TAF1: variants seen among roughly 807,000 people sequenced by gnomAD.
TAF1 encodes the protein transcription initiation factor TFIID subunit 1.
Under a neutral mutation model 138.5 loss-of-function variants are expected in TAF1, and 2 were observed. The observed-to-expected ratio is 0.01, with a 90% CI of 0.01 to 0.05. The LOEUF is 0.05. TAF1 is among the 10% of genes least tolerant of loss of function. The pLI is 1.00. For synonymous variants in TAF1, 437 were observed against 503.2 expected, an observed-to-expected ratio of 0.87 and a Z score of 1.76; for missense variants, 709 against 1,478.0, an observed-to-expected ratio of 0.48 and a Z score of 8.53.
intron 14 of TAF1, 28 bp from the exon 15 acceptor site, chrX:71,387,233 A>G (rs768862962): frequency 8.3e-7 from 1 of 1,206,423 alleles, no homozygotes; most frequent in African/African-American, 1.7e-5. Flanking sequence ...TACTCTGTAT[A>G]TAATTTTTGT....
chrX:71,383,924 T>C, intron 12 of TAF1, 38 bp from the exon 13 acceptor site: 1 of 1,187,615 alleles, frequency 8.4e-7, no homozygotes, highest in Non-Finnish European at 1.1e-6. Flanking sequence ...AGTAGTGTCC[T>C]GTCAGGAGCT....
chrX:71,469,907 G>C (rs1413379257), downstream of TAF1, among the ~76,000 whole-genome samples: 1 of 111,286 alleles, frequency 9.0e-6, no homozygotes. Flanking sequence ...CTCCATGTTG[G>C]TCAGGCTGGT....
chrX:71,470,288 T>C (rs2038858681), downstream of TAF1, among the ~76,000 whole-genome samples: 1 of 111,197 alleles, frequency 9.0e-6, no homozygotes, highest in East Asian at 2.8e-4. Context: ...TCAGGTAATA[T>C]TACACAATTG....
intron 13 of TAF1, among the ~76,000 whole-genome samples, chrX:71,516,084 CAG>C (rs1053627267): frequency 9.1e-6 from 1 of 109,344 alleles, no homozygotes; most frequent in African/African-American, 3.3e-5. Flanking sequence ...ATTTTTGAGA[CAG>C]AGTCTCACTC....
chrX:71,505,996 G>C (rs1224540411), intron 13 of TAF1, among the ~76,000 whole-genome samples: 1 of 108,086 alleles, frequency 9.3e-6, no homozygotes, highest in Non-Finnish European at 1.9e-5. Flanking sequence ...CTCCAGCCCA[G>C]GCGACAGAGC....
intron 28 of TAF1, chrX:71,416,728 C>G: frequency 3.4e-6 from 1 of 298,152 alleles, no homozygotes; most frequent in Middle Eastern, 4.7e-4. Flanking sequence ...AAATGTATTT[C>G]CCCTCTGAAT....
intron 9 of TAF1, among the ~76,000 whole-genome samples, chrX:71,382,297 G>T (rs1569282131): frequency 9.1e-6 from 1 of 110,003 alleles, no homozygotes; most frequent in East Asian, 2.9e-4. Flanking sequence ...GATGTCAAGC[G>T]TGTAGTTCAC....
At chrX:71,517,737 A>C (rs754301152) in intron 13 of TAF1, among the ~76,000 whole-genome samples, 1 of 112,147 alleles carries the variant, frequency 8.9e-6, no homozygotes, top group Non-Finnish European at 1.9e-5. Context: ...ATCCATGGAA[A>C]GTGTAAGAAA....
At chrX:71,372,371 G>A (rs1189135979) in intron 3 of TAF1, among the ~76,000 whole-genome samples, 1 of 96,870 alleles carries the variant, frequency 1.0e-5, no homozygotes, top group Non-Finnish European at 2.0e-5. Flanking sequence ...GGCAGAGGTT[G>A]CAGTGAGCTG....
At position 71,526,984 on chromosome X, in the gene TAF1, A is replaced by G. The variant is rs776649850; in HGVS notation, c.1367-1558A>G. ...TTGAGTCCAGGATCCTCCCACTGCG[A>G]TCCTCCTACCACACACCACCATGCC... On this transcript the variant is annotated intron_variant and NMD_transcript_variant, in intron 13 of 14. Transcript: ENST00000373775. Among the ~76,000 whole-genome samples the G allele has an allele frequency of 2.3e-3, 246 of 106,685 alleles. 1 individual carries two copies. The highest frequency in any genetic ancestry group is 7.9e-3 in the African/African-American group (230 of 29,110). The allele number at this position is 106,685 out of a possible 115,157, so 92.6% of individuals were successfully genotyped here.
intron 28 of TAF1, among the ~76,000 whole-genome samples, chrX:71,416,979 G>GT (rs1222552487): frequency 2.1e-5 from 2 of 94,370 alleles, no homozygotes; most frequent in African/African-American, 4.0e-5. Context: ...GACCAGCCTG[G>GT]CCAACACTCC....
chrX:71,389,738 G>T, intron 18 of TAF1, 73 bp downstream of exon 18: 1 of 834,385 alleles, frequency 1.2e-6, no homozygotes, highest in Non-Finnish European at 1.7e-6. Flanking sequence ...CAGCTTTATT[G>T]AGATAACATA....
chrX:71,394,288 T>TA, intron 22 of TAF1, 43 bp downstream of exon 22: 1 of 1,150,693 alleles, frequency 8.7e-7, no homozygotes, highest in Non-Finnish European at 1.2e-6. Context: ...AGAGAAGGGT[T>TA]AAAAAAGGAG....
rs1569332678 is a variant in TAF1 at position 71,424,198 on chromosome X, T to C, written c.4713T>C (p.Asp1571=). ...HKYQSRESFL[D]DVNLILANSV... Reference sequence around the variant, plus strand: ...ATCAGAGTCGGGAGAGCTTTCTGGATGATGTAAACCTTATTCTGGCCAACA... The same window carrying C: ...ATCAGAGTCGGGAGAGCTTTCTGGACGATGTAAACCTTATTCTGGCCAACA... Residue 1571 remains aspartate (D), a synonymous_variant, in exon 32 of 38, where the codon GAT becomes GAC. Coordinates refer to ENST00000423759, the MANE Select transcript of TAF1 (RefSeq NM_004606.5). 1 of 1,211,079 alleles carries C rather than the reference T, an allele frequency of 8.3e-7. No individual in the cohort carries two copies. The highest frequency in any genetic ancestry group is 3.0e-5 in the East Asian group (1 of 33,857).
At chrX:71,525,312 G>A (rs2039981887) in intron 13 of TAF1, among the ~76,000 whole-genome samples, 1 of 112,320 alleles carries the variant, frequency 8.9e-6, no homozygotes, top group African/African-American at 3.2e-5. Context: ...AAAGTGCTGG[G>A]ATTACAGGCG....
intron 28 of TAF1, among the ~76,000 whole-genome samples, chrX:71,412,559 T>C (rs2035851987): frequency 8.9e-6 from 1 of 112,359 alleles, no homozygotes; most frequent in African/African-American, 3.2e-5. Context: ...TTTGTGAACA[T>C]TTTTGTACAG....
At chrX:71,499,575 C>T (rs1040295074) in intron 13 of TAF1, among the ~76,000 whole-genome samples, 3 of 112,235 alleles carry the variant, frequency 2.7e-5, no homozygotes, top group African/African-American at 9.7e-5. Flanking sequence ...TGGTGGAAAT[C>T]ATTGAATAAT....
intron 13 of TAF1, among the ~76,000 whole-genome samples, chrX:71,520,041 T>C (rs1355379650): frequency 9.1e-6 from 1 of 110,326 alleles, no homozygotes; most frequent in Non-Finnish European, 1.9e-5. Context: ...CTTGCACTCC[T>C]GACCTTAAGT....
chrX:71,409,422 C>A (rs1479846012), intron 28 of TAF1, among the ~76,000 whole-genome samples: 2 of 111,321 alleles, frequency 1.8e-5, no homozygotes, highest in African/African-American at 6.5e-5. Flanking sequence ...AGCCATTGCG[C>A]CTGGCCTGTT....
Sources: allele counts gnomAD v4.1 joint callset (sites outside exome capture counted in the v4.1 genomes callset), GRCh38; gene constraint gnomAD v4.1.1; transcripts MANE v1.5; gene names NCBI Gene and HGNC (gene_info 2026-07-23, HGNC 2026-07-21).